KAZN: variants seen among roughly 807,000 people sequenced by gnomAD.
The protein encoded by KAZN is kazrin.
KAZN carries 40 observed loss-of-function variants against 87.4 expected under a neutral mutation model. That is an observed-to-expected ratio of 0.46 (90% CI 0.36 to 0.60). The LOEUF (loss-of-function observed/expected upper bound fraction) is 0.60. Ranked by LOEUF, KAZN falls within the 20% of genes least tolerant of loss-of-function variation. KAZN has a pLI of 0.00. For missense variants in KAZN, 898 were observed against 1,073.9 expected, an observed-to-expected ratio of 0.84 and a Z score of 2.29; for synonymous variants, 466 against 458.3, an observed-to-expected ratio of 1.02 and a Z score of -0.22.
intron 2 of KAZN, among the ~76,000 whole-genome samples, chr1:14,467,187 G>T (rs1293260453): frequency 2.0e-5 from 3 of 152,052 alleles, no homozygotes; most frequent in African/African-American, 7.2e-5. Flanking sequence ...CAAAAGAGGA[G>T]GGAGGGTATT....
chr1:14,432,897 A>G (rs1411709437), intron 2 of KAZN, among the ~76,000 whole-genome samples: 1 of 152,150 alleles, frequency 6.6e-6, no homozygotes, highest in Non-Finnish European at 1.5e-5. Context: ...TGCAAAGGAC[A>G]TGATCTTATT....
At chr1:14,386,933 C>T (rs1321254857) in intron 2 of KAZN, among the ~76,000 whole-genome samples, 2 of 152,198 alleles carry the variant, frequency 1.3e-5, no homozygotes, top group Non-Finnish European at 2.9e-5. Context: ...CCATTCTCCC[C>T]GTCACTTTCA....
intron 2 of KAZN, among the ~76,000 whole-genome samples, chr1:14,232,339 A>G (rs1426744488): frequency 6.6e-6 from 1 of 152,172 alleles, no homozygotes; most frequent in Non-Finnish European, 1.5e-5. Flanking sequence ...TTTTTGAAAT[A>G]TTGAAAAAAG....
intron 1 of KAZN, among the ~76,000 whole-genome samples, chr1:13,924,957 G>C (rs1350645933): frequency 6.6e-6 from 1 of 152,120 alleles, no homozygotes; most frequent in African/African-American, 2.4e-5. Flanking sequence ...CCCATTTGAC[G>C]TGTACAATTC....
intron 1 of KAZN, among the ~76,000 whole-genome samples, chr1:14,124,488 T>C (rs1235301371): frequency 6.6e-6 from 1 of 152,260 alleles, no homozygotes; most frequent in East Asian, 1.9e-4. Flanking sequence ...TCAGGGATCT[T>C]GCATTCAGCT....
chr1:14,708,840 ATTTTGGT>A (rs993168893), intron 1 of KAZN, among the ~76,000 whole-genome samples: 128 of 152,242 alleles, frequency 8.4e-4, no homozygotes, highest in African/African-American at 3.0e-3. Flanking sequence ...CTGTCACCTG[ATTTTGGT>A]TTATCGTTTT....
intron 2 of KAZN, among the ~76,000 whole-genome samples, chr1:14,441,160 T>G (rs780604796): frequency 1.2e-4 from 18 of 152,192 alleles, no homozygotes; most frequent in Non-Finnish European, 1.2e-4. Flanking sequence ...GTTAAATGAC[T>G]GGAAGATACA....
intron 1 of KAZN, among the ~76,000 whole-genome samples, chr1:14,125,059 T>C (rs978608933): frequency 6.6e-6 from 1 of 152,094 alleles, no homozygotes; most frequent in Non-Finnish European, 1.5e-5. Flanking sequence ...TCCACGGGCA[T>C]GTCTCCCAGG....
chr1:14,697,934 C>G (rs927085312), intron 1 of KAZN, among the ~76,000 whole-genome samples: 3 of 152,152 alleles, frequency 2.0e-5, no homozygotes, highest in African/African-American at 7.2e-5. Context: ...CTTCCCAGAG[C>G]ATAGAGCCCT....
rs540603610 is a variant in KAZN at position 14,518,798 on chromosome 1, A to G, written c.250-80185A>G. Reference sequence around the variant, plus strand: ...TATTAGGAGAATCAACATAGATACTATATTTTGAGAGCTGTGCACAGTGCC... The same window carrying G: ...TATTAGGAGAATCAACATAGATACTGTATTTTGAGAGCTGTGCACAGTGCC... On this transcript the variant is annotated intron_variant, in intron 2 of 16. Transcript: ENST00000636203. 8.5e-5 allele frequency among the ~76,000 whole-genome samples: 13 copies of G among 152,362 alleles called. No homozygotes were observed. The South Asian group carries it at 1.9e-3, about 22-fold the overall frequency.
At chr1:14,764,692 A>G (rs1406286003) in intron 1 of KAZN, among the ~76,000 whole-genome samples, 1 of 152,096 alleles carries the variant, frequency 6.6e-6, no homozygotes, top group Non-Finnish European at 1.5e-5. Flanking sequence ...GGAAGGCTCT[A>G]AGAAAGGTGT....
chr1:14,793,680 C>G (rs1025252646), intron 1 of KAZN, among the ~76,000 whole-genome samples: 1 of 152,142 alleles, frequency 6.6e-6, no homozygotes, highest in Admixed American at 6.5e-5. Context: ...GCTTTCCTTA[C>G]GCTCTGTGAC....
chr1:14,778,041 C>A (rs1464653883), intron 1 of KAZN, among the ~76,000 whole-genome samples: 1 of 152,150 alleles, frequency 6.6e-6, no homozygotes, highest in African/African-American at 2.4e-5. Context: ...TCAGCAAGGT[C>A]TTTATGGCCT....
chr1:14,899,935 T>C (rs1263629309), intron 1 of KAZN, among the ~76,000 whole-genome samples: 1 of 152,256 alleles, frequency 6.6e-6, no homozygotes, highest in Admixed American at 6.5e-5. Flanking sequence ...TAATCCTGCT[T>C]CCTGCCCACC....
At chr1:14,325,185 C>T (rs1656320963) in intron 2 of KAZN, among the ~76,000 whole-genome samples, 1 of 152,176 alleles carries the variant, frequency 6.6e-6, no homozygotes, top group Non-Finnish European at 1.5e-5. Flanking sequence ...CCCTCTCTCT[C>T]TCTCTTTTTC....
rs536767067 is a variant in KAZN at position 14,850,639 on chromosome 1, G to A, written c.227-110045G>A. Among the ~76,000 whole-genome samples the A allele has an allele frequency of 3.0e-4, 46 of 152,278 alleles. 1 individual carries two copies. Among genetic ancestry groups the A allele is most frequent in the South Asian group, 1.5e-3 (7 of 4,818 alleles). On this transcript the variant is annotated intron_variant, in intron 1 of 14. Transcript: ENST00000376030. ...CTTTCGCTGTTGCAAACTTGAGGACGGGGCCACATCTTTTTTGCAGCTCCA... is the reference window on the plus strand; with the variant it reads ...CTTTCGCTGTTGCAAACTTGAGGACAGGGCCACATCTTTTTTGCAGCTCCA...
chr1:14,047,043 G>A (rs949825070), intron 1 of KAZN, among the ~76,000 whole-genome samples: 1 of 152,108 alleles, frequency 6.6e-6, no homozygotes, highest in Non-Finnish European at 1.5e-5. Context: ...TCCTTTGTCT[G>A]TCCACCCATC....
In KAZN at chr1:14,248,032, A is replaced by G. The variant is rs1220883703; in HGVS notation, c.249+67440A>G. 2.0e-5 allele frequency among the ~76,000 whole-genome samples: 3 copies of G among 152,148 alleles called. No homozygotes were observed. In the East Asian group the frequency reaches 5.8e-4, roughly 29 times the overall value. On this transcript the variant is annotated intron_variant, in intron 2 of 16. Transcript: ENST00000636203. ...AGGTGTAAAACGCCACTCTCAATCT[A>G]TTGTGTTTTCTTCCCAGGTCTAAAA... is the stretch of plus-strand genomic sequence containing the variant.
chr1:15,087,999 A>C (rs1290484743), intron 8 of KAZN, among the ~76,000 whole-genome samples: 1 of 152,254 alleles, frequency 6.6e-6, no homozygotes, highest in East Asian at 1.9e-4. Context: ...TTGATAAGCC[A>C]CGGAGCTGGG....
Sources: allele counts gnomAD v4.1 joint callset (sites outside exome capture counted in the v4.1 genomes callset), GRCh38; gene constraint gnomAD v4.1.1; transcripts MANE v1.5; gene names NCBI Gene and HGNC (gene_info 2026-07-23, HGNC 2026-07-21).